Variants in ZNF575 observed in about 807,000 individuals in gnomAD.
ZNF575 encodes the protein zinc finger protein 575.
Under a neutral mutation model 17.5 loss-of-function variants are expected in ZNF575, and 17 were observed. The ratio of observed to expected loss-of-function variants is 0.97; its 90% CI spans 0.66 to 1.45. The LOEUF is 1.45. ZNF575 is among the 40% of genes most tolerant of loss of function. The probability of loss-of-function intolerance (pLI) is 0.00; values close to 1 mark genes in which losing one functional copy is unlikely to be tolerated. For synonymous variants in ZNF575, 146 were observed against 158.3 expected (o/e 0.92, Z 0.58); for missense variants, 352 against 359.2 (o/e 0.98, Z 0.16).
At chr19:43,531,942 CT>C (rs869122064), upstream of ZNF575, 17,410 of 106,210 alleles carry the variant, frequency 0.16, 481 homozygotes, top group East Asian at 0.23. Context: ...TTAAGCCAGA[CT>C]TTTTTTTTTT....
chr19:43,534,453 G>A lies in ZNF575; in HGVS notation c.31G>A (p.Gly11Arg). 1.3e-6 allele frequency: 2 copies of A among 1,537,272 alleles called. No homozygotes were observed. Among genetic ancestry groups the A allele is most frequent in the Non-Finnish European group, 8.8e-7 (1 of 1,142,330 alleles). Residue 11 changes from glycine to arginine, a missense_variant, in exon 3 of 4, where the codon GGG becomes AGG. Physicochemically the swap from Gly to Arg is moderately radical, Grantham distance 125. Transcript: ENST00000314228. ...GGAGCGAGGCGCGGAGTCCGCGGCC[G>A]GGGCTACCGATCCTAGTCCCACTGG... Reference protein sequence around the residue: MLERGAESAAGATDPSPTGKE... With the variant: MLERGAESAARATDPSPTGKE...
chr19:43,531,741 G>C (rs201195606), upstream of ZNF575: 83 of 562,458 alleles, frequency 1.5e-4, no homozygotes, highest in East Asian at 2.5e-3. Flanking sequence ...AAGAGTGGAT[G>C]GGGGGTAAAT....
At chr19:43,531,942 C>CTTTTTTTTTTTTTT (rs869122064), upstream of ZNF575, 57 of 107,314 alleles carry the variant, frequency 5.3e-4, 6 homozygotes, top group African/African-American at 7.3e-4. Flanking sequence ...TTAAGCCAGA[C>CTTTTTTTTTTTTTT]TTTTTTTTTT....
chr19:43,531,451 G>A (rs959553414), upstream of ZNF575, among the ~76,000 whole-genome samples: 9 of 152,152 alleles, frequency 5.9e-5, no homozygotes, highest in Admixed American at 5.9e-4. Context: ...GTGTTGTGGT[G>A]AACACCTGTA....
At chr19:43,534,206 T>C (rs966124647) in intron 2 of ZNF575, 131 bp from the exon 3 acceptor site, 8 of 537,172 alleles carry the variant, frequency 1.5e-5, no homozygotes, top group Middle Eastern at 2.7e-4. Context: ...GCGAAGGGAC[T>C]GCCTCTGGCT....
At chr19:43,531,942 CTTTTTTTTTTTTT>C (rs869122064), upstream of ZNF575, 16 of 107,316 alleles carry the variant, frequency 1.5e-4, no homozygotes, top group South Asian at 4.7e-4. Flanking sequence ...TTAAGCCAGA[CTTTTTTTTTTTTT>C]TTTTTTTTTT....
chr19:43,531,981 G>A (rs1029801750), upstream of ZNF575: 8 of 409,722 alleles, frequency 2.0e-5, no homozygotes, highest in African/African-American at 7.6e-5. Context: ...AGATGGGGAG[G>A]TGTCTCACTA....
At position 43,535,754 on chromosome 19, in the gene ZNF575, A is replaced by G. The variant is rs532502995; in HGVS notation, c.*67A>G. The G allele has an allele frequency of 1.3e-6, 2 of 1,483,740 alleles. No individual in the cohort carries two copies. The highest frequency in any genetic ancestry group is 4.4e-5 in the Admixed American group (2 of 45,750). The allele number at this position is 1,483,740 out of a possible 1,614,324, so 91.9% of individuals were successfully genotyped here. ...GCCAGTAAGAGGTGGGATTTCTAAG[A>G]CCGACTGTATGAGCTCGCCTCTTCC... On this transcript the variant is annotated 3_prime_UTR_variant, in exon 4 of 4. Coordinates refer to ENST00000314228, the MANE Select transcript of ZNF575 (RefSeq NM_174945.3).
Position 43,534,455 on chromosome 19 carries a change from G to T in ZNF575, c.33G>T (p.Gly11=). The change falls in exon 3 of 4, where the codon GGG becomes GGT. Residue 11 remains glycine (G), a synonymous_variant. Transcript: ENST00000314228. ...AGCGAGGCGCGGAGTCCGCGGCCGG[G>T]GCTACCGATCCTAGTCCCACTGGCA... is the stretch of plus-strand genomic sequence containing the variant. The part of the protein sequence containing the change: MLERGAESAA[G]ATDPSPTGKE... 1 of 1,543,112 alleles carries T rather than the reference G, an allele frequency of 6.5e-7. No homozygotes were observed. Among genetic ancestry groups the T allele is most frequent in the East Asian group, 2.4e-5 (1 of 40,876 alleles).
At chr19:43,532,079 A>C (rs1972352447), upstream of ZNF575, among the ~76,000 whole-genome samples, 1 of 150,738 alleles carries the variant, frequency 6.6e-6, no homozygotes, top group Non-Finnish European at 1.5e-5. Flanking sequence ...CCCAGGCTGG[A>C]GTGCAGTGGC....
In ZNF575 at chr19:43,535,386, C is replaced by G. The variant is rs1972402798; in HGVS notation, c.437C>G (p.Pro146Arg). ...AHLWTHAPTR[P>R]YPCPDCPKSF... Reference sequence around the variant, plus strand: ...CTCTGGACCCACGCACCCACCCGCCCCTACCCGTGCCCCGACTGCCCCAAG... The same window carrying G: ...CTCTGGACCCACGCACCCACCCGCCGCTACCCGTGCCCCGACTGCCCCAAG... The change falls in exon 4 of 4, where the codon CCC (proline) becomes CGC (arginine). Residue 146 changes from proline to arginine, a missense_variant. Physicochemically the swap from Pro to Arg is moderately radical, Grantham distance 103. Coordinates refer to ENST00000314228, the MANE Select transcript of ZNF575 (RefSeq NM_174945.3). 1 of 1,584,556 alleles carries G rather than the reference C, an allele frequency of 6.3e-7. No homozygotes were observed.
In ZNF575 at chr19:43,535,236, G is replaced by GC; in HGVS notation, c.291dup (p.Lys98GlnfsTer171). The GC allele has an allele frequency of 6.2e-7, 1 of 1,611,590 alleles. No individual in the cohort carries two copies. Among genetic ancestry groups the GC allele is most frequent in the Non-Finnish European group, 8.5e-7 (1 of 1,179,108 alleles). Reference sequence around the variant, plus strand: ...GCCCGACCCCACCCATGCCCAGACTGCCCCAAGGCCTTCTCCTACCCCTCC... The same window carrying GC: ...GCCCGACCCCACCCATGCCCAGACTGCCCCCAAGGCCTTCTCCTACCCCTCC... On this transcript the variant is annotated frameshift_variant, in exon 4 of 4. Transcript: ENST00000314228. LOFTEE classifies it high-confidence loss of function.
At chr19:43,532,347 C>G (rs902772165), upstream of ZNF575, among the ~76,000 whole-genome samples, 1 of 152,086 alleles carries the variant, frequency 6.6e-6, no homozygotes, top group African/African-American at 2.4e-5. Context: ...GTTTGGAAAT[C>G]CTGGGCTCAA....
Position 43,534,480 on chromosome 19 carries a change from A to AAG in ZNF575, c.59_60dup (p.Glu21ArgfsTer4). Reference sequence around the variant, plus strand: ...GGCTACCGATCCTAGTCCCACTGGCAAGGAACCAGTGACCAAAGAAGGTGA... The same window carrying AAG: ...GGCTACCGATCCTAGTCCCACTGGCAAGAGGAACCAGTGACCAAAGAAGGTGA... On this transcript the variant is annotated frameshift_variant, in exon 3 of 4. Coordinates refer to ENST00000314228, the MANE Select transcript of ZNF575 (RefSeq NM_174945.3). LOFTEE classifies it high-confidence loss of function. 52 of 1,484,122 alleles carry AAG rather than the reference A, an allele frequency of 3.5e-5. No individual in the cohort carries two copies. Among genetic ancestry groups the AAG allele is most frequent in the Non-Finnish European group, 4.7e-5 (52 of 1,115,422 alleles). The allele number at this position is 1,484,122 out of a possible 1,614,324, so 91.9% of individuals were successfully genotyped here.
In ZNF575 at chr19:43,535,478, T is replaced by C. The variant is rs1435423166; in HGVS notation, c.529T>C (p.Tyr177His). The change falls in exon 4 of 4, where the codon TAT (tyrosine) becomes CAT (histidine). Residue 177 changes from tyrosine to histidine, a missense_variant. Transcript: ENST00000314228. ...GCACCACGCCACCGACGCCCGCCCC[T>C]ATCCTTGCCCGCATTGCCCCAAGGC... ...HTHHATDARP[Y>H]PCPHCPKAFS... The C allele has an allele frequency of 6.4e-7, 1 of 1,569,892 alleles. No individual in the cohort carries two copies. Among genetic ancestry groups the C allele is most frequent in the South Asian group, 1.1e-5 (1 of 89,942 alleles).
At chr19:43,530,877 T>G (rs1176254581), upstream of ZNF575, among the ~76,000 whole-genome samples, 1 of 152,158 alleles carries the variant, frequency 6.6e-6, no homozygotes, top group African/African-American at 2.4e-5. Context: ...CAGTTTCCAG[T>G]GTATAATAAG....
chr19:43,535,256 C>G lies in ZNF575; in HGVS notation c.307C>G (p.Pro103Ala). ...AGACTGCCCCAAGGCCTTCTCCTACCCCTCCAAGCTGGCAGCCCACCGCCT... is the reference window on the plus strand; with the variant it reads ...AGACTGCCCCAAGGCCTTCTCCTACGCCTCCAAGCTGGCAGCCCACCGCCT... ...CPDCPKAFSYPSKLAAHRLTH... is the reference protein window; with the variant it reads ...CPDCPKAFSYASKLAAHRLTH... The change falls in exon 4 of 4, where the codon CCC becomes GCC. Residue 103 changes from proline (P) to alanine (A), a missense_variant. Pro to Ala is a conservative substitution (Grantham distance 27). Transcript: ENST00000314228. The G allele has an allele frequency of 6.2e-7, 1 of 1,612,326 alleles. No homozygotes were observed. The highest frequency in any genetic ancestry group is 8.5e-7 in the Non-Finnish European group (1 of 1,179,402).
chr19:43,535,794 G>A lies in ZNF575; in HGVS notation c.*107G>A. ...TCGCCTCTTCCAGATAGCTGGCAGA[G>A]GGCAGGGCAAGGGATTGGCCATTTA... On this transcript the variant is annotated 3_prime_UTR_variant, in exon 4 of 4. Transcript: ENST00000314228. The A allele has an allele frequency of 1.5e-6, 2 of 1,338,728 alleles. No homozygotes were observed. Among genetic ancestry groups the A allele is most frequent in the East Asian group, 5.1e-5 (2 of 39,506 alleles). The allele number at this position is 1,338,728 out of a possible 1,614,324, so 82.9% of individuals were successfully genotyped here.
In ZNF575 at chr19:43,535,250, T is replaced by TCCTAC. The variant is rs770360039; in HGVS notation, c.304_308dup (p.Ser104ThrfsTer161). On this transcript the variant is annotated frameshift_variant, in exon 4 of 4. Transcript: ENST00000314228. LOFTEE classifies it high-confidence loss of function. ...ATGCCCAGACTGCCCCAAGGCCTTC[T>TCCTAC]CCTACCCCTCCAAGCTGGCAGCCCA... The TCCTAC allele has an allele frequency of 3.7e-6, 6 of 1,611,628 alleles. No individual in the cohort carries two copies. Among genetic ancestry groups the TCCTAC allele is most frequent in the East Asian group, 2.2e-5 (1 of 44,824 alleles).
Sources: allele counts gnomAD v4.1 joint callset (sites outside exome capture counted in the v4.1 genomes callset), GRCh38; gene constraint gnomAD v4.1.1; transcripts MANE v1.5; gene names NCBI Gene and HGNC (gene_info 2026-07-23, HGNC 2026-07-21).